TMTC2: variants seen among roughly 807,000 people sequenced by gnomAD.
TMTC2 encodes protein O-mannosyl-transferase TMTC2.
In TMTC2, 43 loss-of-function variants were observed where a neutral mutation model predicts 82.4. The ratio of observed to expected loss-of-function variants is 0.52; its 90% confidence interval spans 0.41 to 0.67. TMTC2 has a LOEUF of 0.67. Ranked by LOEUF, TMTC2 falls within the 30% of genes least tolerant of loss-of-function variation. The pLI, the probability that TMTC2 is intolerant of heterozygous loss-of-function variation, is 0.00. For missense variants in TMTC2, 919 were observed against 1,012.4 expected (o/e 0.91, Z 1.25); for synonymous variants, 408 against 381.9 (o/e 1.07, Z -0.80).
Position 83,028,206 on chromosome 12 carries a change from A to G in TMTC2, c.2071-2592A>G, listed in dbSNP as rs193208802. 1.6e-3 allele frequency among the ~76,000 whole-genome samples: 248 copies of G among 152,302 alleles called. 1 individual carries two copies. Among genetic ancestry groups the G allele is most frequent in the African/African-American group, 5.6e-3 (233 of 41,566 alleles). On this transcript the variant is annotated intron_variant, in intron 8 of 11. Coordinates refer to ENST00000321196, the MANE Select transcript of TMTC2 (RefSeq NM_152588.3). ...TATATATATGTGTGTGTGTATATACATATAAAGTAACAGTTAACATTTATT... is the reference window on the plus strand; with the variant it reads ...TATATATATGTGTGTGTGTATATACGTATAAAGTAACAGTTAACATTTATT...
chr12:82,715,659 G>A (rs553072380), intron 1 of TMTC2, among the ~76,000 whole-genome samples: 1 of 152,266 alleles, frequency 6.6e-6, no homozygotes, highest in East Asian at 1.9e-4. Flanking sequence ...GGCAGATAAG[G>A]AAACTTTAAA....
intron 11 of TMTC2, among the ~76,000 whole-genome samples, chr12:83,120,791 A>C (rs945437588): frequency 6.6e-6 from 1 of 152,154 alleles, no homozygotes; most frequent in Non-Finnish European, 1.5e-5. Context: ...AACACTGATT[A>C]TTCTTAGGTT....
intron 1 of TMTC2, among the ~76,000 whole-genome samples, chr12:82,775,034 G>A (rs368106564): frequency 6.6e-6 from 1 of 152,008 alleles, no homozygotes; most frequent in African/African-American, 2.4e-5. Flanking sequence ...CCATTGGTAA[G>A]ACACCAAAAT....
chr12:83,097,722 T>C (rs528562632), intron 11 of TMTC2, among the ~76,000 whole-genome samples: 8 of 152,310 alleles, frequency 5.3e-5, no homozygotes, highest in African/African-American at 1.9e-4. Context: ...TACTTTACAA[T>C]GTATAATCAC....
rs190207764 is a variant in TMTC2, at chr12:82,728,230, G to C, written c.83+40561G>C. Among the ~76,000 whole-genome samples the C allele has an allele frequency of 8.2e-4, 124 of 152,064 alleles. No individual in the cohort carries two copies. In the South Asian group the frequency reaches 0.012, roughly 14 times the overall value. ...TCTGCTTGTGAGAGCTTAGGTAATAGAGATGAGTCCTATTCTGTTTTTTAT... is the reference window on the plus strand; with the variant it reads ...TCTGCTTGTGAGAGCTTAGGTAATACAGATGAGTCCTATTCTGTTTTTTAT... On this transcript the variant is annotated intron_variant, in intron 1 of 11. Coordinates refer to ENST00000321196, the MANE Select transcript of TMTC2 (RefSeq NM_152588.3).
At position 82,985,713 on chromosome 12, in the gene TMTC2, C is replaced by T. The variant is rs554394834; in HGVS notation, c.1949-212C>T. The stretch of plus-strand genomic sequence containing the variant: ...TACTTATTAAATTTTTTACTTGAGC[C>T]ATTTTACTTCATTTTCCAAACACAT... On this transcript the variant is annotated intron_variant, in intron 7 of 11. Coordinates refer to ENST00000321196, the MANE Select transcript of TMTC2 (RefSeq NM_152588.3). Among the ~76,000 whole-genome samples, 10 of 152,208 alleles carry T rather than the reference C, an allele frequency of 6.6e-5. No individual in the cohort carries two copies. In the East Asian group the frequency reaches 1.9e-3, roughly 29 times the overall value.
At chr12:82,838,782 TTG>T (rs1283134809) in intron 1 of TMTC2, among the ~76,000 whole-genome samples, 16 of 133,070 alleles carry the variant, frequency 1.2e-4, no homozygotes, top group African/African-American at 6.6e-4. Flanking sequence ...ATATTTTTTC[TTG>T]TTTTTTTTTT....
At chr12:82,710,893 A>G (rs551751800) in intron 1 of TMTC2, among the ~76,000 whole-genome samples, 7 of 152,334 alleles carry the variant, frequency 4.6e-5, no homozygotes, top group African/African-American at 1.7e-4. Context: ...TTTATTTTTC[A>G]TGTAATCTGT....
At chr12:82,991,850 T>A (rs999740938) in intron 8 of TMTC2, among the ~76,000 whole-genome samples, 1 of 152,210 alleles carries the variant, frequency 6.6e-6, no homozygotes, top group Non-Finnish European at 1.5e-5. Context: ...GTTCTGTAGT[T>A]GTGTGCGCAT....
At chr12:83,124,394 C>T (rs1032031380) in intron 11 of TMTC2, among the ~76,000 whole-genome samples, 7 of 152,056 alleles carry the variant, frequency 4.6e-5, no homozygotes, top group Admixed American at 1.3e-4. Context: ...AGCACCAGTA[C>T]TATAAAGACA....
chr12:83,093,162 C>G (rs1883900294), intron 11 of TMTC2, among the ~76,000 whole-genome samples: 1 of 152,122 alleles, frequency 6.6e-6, no homozygotes, highest in Non-Finnish European at 1.5e-5. Context: ...TCTCTCCTCC[C>G]TTAGAAGCAT....
At position 82,966,900 on chromosome 12, in the gene TMTC2, T is replaced by A. The variant is rs749374111; in HGVS notation, c.1870-19T>A. ...CACTTTATTGATGATTTATCTATTT[T>A]TTTTGTTTTATAAATTAGGAAGCCC... On this transcript the variant is annotated intron_variant, in intron 6 of 11. Coordinates refer to ENST00000321196, the MANE Select transcript of TMTC2 (RefSeq NM_152588.3). The A allele has an allele frequency of 6.4e-6, 10 of 1,569,924 alleles. No homozygotes were observed. The East Asian group carries it at 2.2e-4, about 35-fold the overall frequency.
intron 3 of TMTC2, among the ~76,000 whole-genome samples, chr12:82,926,754 A>G (rs1289054792): frequency 6.6e-6 from 1 of 152,218 alleles, no homozygotes; most frequent in African/African-American, 2.4e-5. Context: ...GTCAATTAAC[A>G]TTCAAAAAAT....
intron 8 of TMTC2, among the ~76,000 whole-genome samples, chr12:83,014,719 TAAGAA>T (rs1473947253): frequency 1.4e-5 from 1 of 72,600 alleles, no homozygotes; most frequent in Admixed American, 1.7e-4. Flanking sequence ...AAGGTCTAGT[TAAGAA>T]GAGAACTTTT....
At chr12:82,838,853 T>C (rs144101539) in intron 1 of TMTC2, among the ~76,000 whole-genome samples, 30 of 152,090 alleles carry the variant, frequency 2.0e-4, no homozygotes, top group African/African-American at 7.2e-4. Context: ...TTATTAAATC[T>C]TCATCTAAAA....
chr12:83,031,000 A>T lies in TMTC2; in HGVS notation c.2152+121A>T, dbSNP rs554672472. 9.7e-5 allele frequency: 67 copies of T among 688,586 alleles called. No individual in the cohort carries two copies. The East Asian group carries it at 1.8e-3, about 18-fold the overall frequency. The allele number at this position is 688,586 out of a possible 1,614,324, so 42.7% of individuals were successfully genotyped here. ...AGATGGACTTTGTTATTGCAGATTT[A>T]GCCTCATGCTATATTCCTACCTTCT... On this transcript the variant is annotated intron_variant, in intron 9 of 11. Transcript: ENST00000321196.
rs1487552123 is a variant in TMTC2, at chr12:82,855,406, C to T, written c.84-1604C>T. The stretch of plus-strand genomic sequence containing the variant: ...GAAATTTCTCTGATCACACCTGCCT[C>T]ACAAGAGAAGGCAGAACTGGTGGAG... On this transcript the variant is annotated intron_variant, in intron 1 of 11. Transcript: ENST00000321196. Among the ~76,000 whole-genome samples the T allele has an allele frequency of 2.0e-5, 3 of 152,312 alleles. No homozygotes were observed. The East Asian group carries it at 5.8e-4, about 29-fold the overall frequency.
At chr12:82,780,736 C>T (rs571214702) in intron 1 of TMTC2, among the ~76,000 whole-genome samples, 1 of 149,360 alleles carries the variant, frequency 6.7e-6, no homozygotes, top group African/African-American at 2.5e-5. Flanking sequence ...AGAGGCAAAT[C>T]TTAAAGAAGG....
chr12:83,030,607 A>G (rs1009683588), intron 8 of TMTC2, among the ~76,000 whole-genome samples, 191 bp from the exon 9 acceptor site: 1 of 152,000 alleles, frequency 6.6e-6, no homozygotes, highest in African/African-American at 2.4e-5. Flanking sequence ...CATGCCTTCC[A>G]GGGTTCAGAC....
Sources: allele counts gnomAD v4.1 joint callset (sites outside exome capture counted in the v4.1 genomes callset), GRCh38; gene constraint gnomAD v4.1.1; transcripts MANE v1.5; gene names NCBI Gene and HGNC (gene_info 2026-07-23, HGNC 2026-07-21).